The following HECW2 variants were observed in gnomAD, a reference collection of about 807,000 sequenced individuals.
The protein encoded by HECW2 is HECT, C2 and WW domain containing E3 ubiquitin protein ligase 2.
HECW2 carries 61 observed loss-of-function variants against 175.2 expected under a neutral mutation model. That is an observed-to-expected ratio of 0.35 (90% confidence interval 0.28 to 0.43). The LOEUF (loss-of-function observed/expected upper bound fraction) is 0.43. HECW2 is among the 20% of genes least tolerant of loss of function. The probability of loss-of-function intolerance (pLI) is 1.00; values close to 1 mark genes in which losing one functional copy is unlikely to be tolerated. For synonymous variants in HECW2, 671 were observed against 731.0 expected, an observed-to-expected ratio of 0.92 and a Z score of 1.32; for missense variants, 1,524 against 2,000.5, an observed-to-expected ratio of 0.76 and a Z score of 4.54.
At chr2:196,466,788 T>C (rs1696972140) in intron 1 of HECW2, among the ~76,000 whole-genome samples, 1 of 152,180 alleles carries the variant, frequency 6.6e-6, no homozygotes, top group Admixed American at 6.5e-5. Context: ...GAGCTAGAAA[T>C]GGGCTTTGGG....
intron 14 of HECW2, among the ~76,000 whole-genome samples, chr2:196,280,163 AAG>A (rs1690132032): frequency 1.3e-5 from 2 of 152,208 alleles, no homozygotes; most frequent in Non-Finnish European, 1.5e-5. Context: ...TCAAAGATGA[AAG>A]AGGCTATTAG....
chr2:196,577,390 T>G (rs1690600165), intron 1 of HECW2, among the ~76,000 whole-genome samples: 1 of 152,176 alleles, frequency 6.6e-6, no homozygotes, highest in Admixed American at 6.5e-5. Flanking sequence ...TTACTAAATA[T>G]AATAATGTTA....
intron 17 of HECW2, among the ~76,000 whole-genome samples, chr2:196,261,495 C>T (rs1689291424): frequency 6.6e-6 from 1 of 152,058 alleles, no homozygotes; most frequent in African/African-American, 2.4e-5. Context: ...TAAAAATAAG[C>T]TTTTTGTTAA....
At chr2:196,564,348 T>A (rs1690107760) in intron 1 of HECW2, among the ~76,000 whole-genome samples, 2 of 152,160 alleles carry the variant, frequency 1.3e-5, no homozygotes, top group Non-Finnish European at 2.9e-5. Flanking sequence ...TAATTCAACA[T>A]AAAATGTACA....
rs1695821995 is a variant in HECW2, at chr2:196,434,778, TG to T, written c.-35-1321del. ...TCTCAGGGCAAACCCTATTGGGTCC[TG>T]GGAAGTCTATGAAAAAACTTTCTGC... is the stretch of plus-strand genomic sequence containing the variant. On this transcript the variant is annotated intron_variant, in intron 1 of 28. Transcript: ENST00000644978. Among the ~76,000 whole-genome samples the T allele has an allele frequency of 2.6e-5, 4 of 152,372 alleles. No homozygotes were observed. The South Asian group carries it at 8.3e-4, about 32-fold the overall frequency.
At chr2:196,406,735 C>T (rs932493879) in intron 2 of HECW2, among the ~76,000 whole-genome samples, 1 of 152,202 alleles carries the variant, frequency 6.6e-6, no homozygotes, top group Non-Finnish European at 1.5e-5. Context: ...CTGCCAAGCT[C>T]GTTCCTGCTT....
intron 1 of HECW2, among the ~76,000 whole-genome samples, chr2:196,466,074 T>C (rs916940803): frequency 4.6e-5 from 7 of 152,340 alleles, no homozygotes; most frequent in African/African-American, 1.4e-4. Flanking sequence ...ATTTACCTAA[T>C]GGCTAAGAAT....
Position 196,244,198 on chromosome 2 carries a change from G to A in HECW2, c.3530-1994C>T, listed in dbSNP as rs1331266545. ...AAATGAGTAAGGTGGGGTTGCTGGA[G>A]TGGGTTGGGGAAACAGAAATAAAAC... is the stretch of plus-strand genomic sequence containing the variant. On this transcript the variant is annotated intron_variant, in intron 19 of 28. Transcript: ENST00000644978. 2.6e-5 allele frequency among the ~76,000 whole-genome samples: 4 copies of A among 152,304 alleles called. No individual in the cohort carries two copies. In the South Asian group the frequency reaches 8.3e-4, roughly 32 times the overall value.
At chr2:196,506,636 A>T (rs1386262413) in intron 1 of HECW2, among the ~76,000 whole-genome samples, 1 of 151,974 alleles carries the variant, frequency 6.6e-6, no homozygotes, top group Non-Finnish European at 1.5e-5. Flanking sequence ...CTTAGATACC[A>T]CTGTAGTACA....
chr2:196,369,548 G>A (rs530918637), intron 2 of HECW2, among the ~76,000 whole-genome samples: 1 of 151,706 alleles, frequency 6.6e-6, no homozygotes, highest in African/African-American at 2.4e-5. Context: ...CAAGGGCCTA[G>A]GGCTCTACAA....
At chr2:196,258,074 C>G in intron 17 of HECW2, 168 bp from the exon 18 acceptor site, 1 of 530,360 alleles carries the variant, frequency 1.9e-6, no homozygotes, top group South Asian at 2.3e-5. Flanking sequence ...ATGGTCTTTG[C>G]CTTCAAGGGG....
Position 196,317,323 on chromosome 2 carries a change from C to T in HECW2, c.2385G>A (p.Val795=). The stretch of plus-strand genomic sequence containing the variant: ...TCTGGTACCGGCTAACATCCTGGCG[C>T]ACTGAAGGTAGTGATCGCAGTGGCT... ...GHQPLRSLPS[V]RQDVSRYQRV... The change falls in exon 10 of 29, where the codon GTG becomes GTA. Residue 795 remains valine, a synonymous_variant. Transcript: ENST00000644978. The T allele has an allele frequency of 6.2e-7, 1 of 1,613,560 alleles. No individual in the cohort carries two copies. Among genetic ancestry groups the T allele is most frequent in the Non-Finnish European group, 8.5e-7 (1 of 1,179,808 alleles).
At chr2:196,540,675 C>G (rs752006391) in intron 1 of HECW2, among the ~76,000 whole-genome samples, 6 of 152,230 alleles carry the variant, frequency 3.9e-5, no homozygotes, top group Admixed American at 2.0e-4. Flanking sequence ...GAACTCCTGG[C>G]CTCAAGCAAT....
intron 2 of HECW2, among the ~76,000 whole-genome samples, chr2:196,372,678 G>C (rs998685809): frequency 1.3e-5 from 2 of 152,114 alleles, no homozygotes; most frequent in African/African-American, 2.4e-5. Flanking sequence ...AGAAGAGTTA[G>C]GAAGTCAACT....
chr2:196,318,854 T>C lies in HECW2; in HGVS notation c.2036A>G (p.Glu679Gly). 6.4e-7 allele frequency: 1 copy of C among 1,551,180 alleles called. No homozygotes were observed. Among genetic ancestry groups the C allele is most frequent in the Non-Finnish European group, 8.7e-7 (1 of 1,148,718 alleles). Residue 679 changes from glutamate to glycine, a missense_variant, in exon 9 of 29, where the codon GAG (glutamate) becomes GGG (glycine). Glu to Gly is a moderately conservative substitution (Grantham distance 98). Coordinates refer to ENST00000644978, the MANE Select transcript of HECW2 (RefSeq NM_001348768.2). ...PETPAFSSQE[E>G]EDGACAAEPT... ...CTCTGCTGCACAGGCTCCGTCTTCC[T>C]CCTCCTGAGAAGAAAAGGCTGGGGT...
In HECW2 at chr2:196,201,332, A is replaced by G; in HGVS notation, c.4664T>C (p.Leu1555Pro). Residue 1555 changes from leucine to proline, a missense_variant, in exon 29 of 29, where the codon CTT (leucine) becomes CCT (proline). Physicochemically the swap from Leu to Pro is moderately conservative, Grantham distance 98. Transcript: ENST00000644978. ...AACTGCTGTCAACAGTTTTTCATAA[A>G]GCATGGAAAAGGATGGGTAGGGAGG... is the stretch of plus-strand genomic sequence containing the variant. ...DLPPYPSFSM[L>P]YEKLLTAVEE... 6.2e-7 allele frequency: 1 copy of G among 1,613,780 alleles called. No individual in the cohort carries two copies. The highest frequency in any genetic ancestry group is 8.5e-7 in the Non-Finnish European group (1 of 1,179,674).
chr2:196,267,155 A>C (rs1313793259), intron 17 of HECW2, among the ~76,000 whole-genome samples: 2 of 152,204 alleles, frequency 1.3e-5, no homozygotes, highest in Non-Finnish European at 2.9e-5. Context: ...AGTAGGGAAC[A>C]GATTTACTGG....
At chr2:196,402,524 T>C (rs963348509) in intron 2 of HECW2, among the ~76,000 whole-genome samples, 2 of 152,228 alleles carry the variant, frequency 1.3e-5, no homozygotes, top group African/African-American at 2.4e-5. Flanking sequence ...CCCTGACAGA[T>C]ATTATGTTCC....
At chr2:196,315,149 AGTGTGTGTGTGTGTGTGTGTGTGT>A (rs58473650) in intron 10 of HECW2, among the ~76,000 whole-genome samples, 2 of 144,716 alleles carry the variant, frequency 1.4e-5, no homozygotes, top group African/African-American at 5.2e-5. Context: ...CGAGTGTATG[AGTGTGTGTGTGTGTGTGTGTGTGT>A]GTGTGTGTGT....
Sources: gnomAD v4.1 joint callset for allele counts (sites outside exome capture counted in the v4.1 genomes callset) on GRCh38, gnomAD v4.1.1 for gene constraint, MANE v1.5 for transcripts, NCBI Gene and HGNC (gene_info 2026-07-23, HGNC 2026-07-21) for gene names.